Variants in NAPEPLD observed in about 807,000 individuals in gnomAD.
NAPEPLD encodes the protein N-acyl phosphatidylethanolamine phospholipase D, also known as N-acyl-phosphatidylethanolamine-hydrolyzing phospholipase D.
In NAPEPLD, 23 loss-of-function variants were observed where a neutral mutation model predicts 38.1. The observed-to-expected ratio is 0.60, with a 90% confidence interval of 0.43 to 0.86. The LOEUF (loss-of-function observed/expected upper bound fraction) is 0.86. NAPEPLD is among the 40% of genes least tolerant of loss of function. The probability of loss-of-function intolerance (pLI) is 0.00; values close to 1 mark genes in which losing one functional copy is unlikely to be tolerated. For synonymous variants in NAPEPLD, 147 were observed against 162.0 expected (o/e 0.91, Z 0.71); for missense variants, 411 against 476.8 (o/e 0.86, Z 1.28).
chr7:103,147,720 G>T (rs1252847568), intron 1 of NAPEPLD, among the ~76,000 whole-genome samples: 1 of 152,150 alleles, frequency 6.6e-6, no homozygotes, highest in African/African-American at 2.4e-5. Flanking sequence ...TTTAAAATTA[G>T]AATTTTGTAA....
intron 1 of NAPEPLD, chr7:103,141,699 G>A (rs1477238365): frequency 1.1e-5 from 10 of 903,490 alleles, no homozygotes; most frequent in East Asian, 2.4e-5. Flanking sequence ...GTACCCTTCC[G>A]CTTACCTATG....
rs530177156 is a variant in NAPEPLD at position 103,123,018 on chromosome 7, C to T, written c.295-2795G>A. On this transcript the variant is annotated intron_variant, in intron 2 of 4. Coordinates refer to ENST00000465647, the MANE Select transcript of NAPEPLD (RefSeq NM_001122838.3). ...CCAATTCTCTCGGGCGTTTCATGCT[C>T]CTCTTCCACATGTGCTGTGTCCCAC... Among the ~76,000 whole-genome samples, 20 of 152,348 alleles carry T rather than the reference C, an allele frequency of 1.3e-4. No individual in the cohort carries two copies. The South Asian group carries it at 2.5e-3, about 19-fold the overall frequency.
chr7:103,119,542 C>T (rs750461759), intron 3 of NAPEPLD, 35 bp downstream of exon 3: 18 of 1,563,414 alleles, frequency 1.2e-5, no homozygotes, highest in Non-Finnish European at 1.6e-5. Context: ...TAATTTATCA[C>T]ATAGCAGGAA....
intron 4 of NAPEPLD, 89 bp downstream of exon 4, chr7:103,114,971 G>T: frequency 3.3e-6 from 3 of 917,824 alleles, no homozygotes; most frequent in Non-Finnish European, 5.2e-6. Context: ...TGATTCCAGA[G>T]TCTTGGGTCT....
intron 1 of NAPEPLD, chr7:103,129,347 T>C (rs1306229938): frequency 2.0e-5 from 20 of 984,604 alleles, no homozygotes; most frequent in Non-Finnish European, 1.9e-5. Context: ...AAACAACATA[T>C]TTCCCCAGCC....
chr7:103,121,106 C>T (rs764465739), intron 2 of NAPEPLD, among the ~76,000 whole-genome samples: 9 of 152,138 alleles, frequency 5.9e-5, no homozygotes, highest in Non-Finnish European at 1.0e-4. Context: ...TCATTCCTTA[C>T]CTTTCTGATT....
At chr7:103,115,499 A>C (rs1173119631) in intron 3 of NAPEPLD, among the ~76,000 whole-genome samples, 1 of 152,238 alleles carries the variant, frequency 6.6e-6, no homozygotes, top group African/African-American at 2.4e-5. Context: ...TAAAATAAGT[A>C]AGTCTCAAGC....
intron 2 of NAPEPLD, chr7:103,127,618 C>T (rs144948243): frequency 6.6e-6 from 1 of 152,156 alleles, no homozygotes; most frequent in Non-Finnish European, 1.5e-5. Context: ...CAGACTACAG[C>T]CCACTGCTGA....
At chr7:103,108,868 T>C (rs941161513) in intron 4 of NAPEPLD, among the ~76,000 whole-genome samples, 11 of 152,050 alleles carry the variant, frequency 7.2e-5, no homozygotes, top group Non-Finnish European at 1.0e-4. Context: ...AAGACACACA[T>C]AGGCTCAAAA....
At chr7:103,115,233 A>C in intron 3 of NAPEPLD, 59 bp from the exon 4 acceptor site, 1 of 1,274,086 alleles carries the variant, frequency 7.8e-7, no homozygotes, top group Non-Finnish European at 1.1e-6. Flanking sequence ...AAATTCTAAA[A>C]TCTGTTTCAC....
intron 4 of NAPEPLD, among the ~76,000 whole-genome samples, chr7:103,113,487 C>T (rs1016704680): frequency 6.6e-6 from 1 of 151,838 alleles, no homozygotes; most frequent in Non-Finnish European, 1.5e-5. Flanking sequence ...GTAACTAAAA[C>T]TGCAAGAAAA....
At chr7:103,113,406 G>C (rs1804916075) in intron 4 of NAPEPLD, among the ~76,000 whole-genome samples, 1 of 152,120 alleles carries the variant, frequency 6.6e-6, no homozygotes, top group South Asian at 2.1e-4. Flanking sequence ...GGAATGGGCA[G>C]GCAGTGTATT....
chr7:103,120,524 C>T (rs1806433865), intron 2 of NAPEPLD, among the ~76,000 whole-genome samples: 1 of 151,940 alleles, frequency 6.6e-6, no homozygotes, highest in Non-Finnish European at 1.5e-5. Flanking sequence ...TCAGTACTGC[C>T]AGAAGTAGAC....
chr7:103,144,378 T>C (rs1812124627), intron 1 of NAPEPLD, among the ~76,000 whole-genome samples: 1 of 152,212 alleles, frequency 6.6e-6, no homozygotes, highest in Non-Finnish European at 1.5e-5. Flanking sequence ...ACTAGTTCTC[T>C]TATAAATATA....
Position 103,103,467 on chromosome 7 carries a change from C to T in NAPEPLD, c.1144G>A (p.Glu382Lys), listed in dbSNP as rs1375808796. The T allele has an allele frequency of 1.9e-6, 3 of 1,589,762 alleles. No homozygotes were observed. The highest frequency in any genetic ancestry group is 1.7e-6 in the Non-Finnish European group (2 of 1,173,346). Residue 382 changes from glutamate (E) to lysine (K), a missense_variant, in exon 5 of 5, where the codon GAA (glutamate) becomes AAA (lysine). By Grantham distance (56) the Glu-to-Lys change is moderately conservative. Coordinates refer to ENST00000465647, the MANE Select transcript of NAPEPLD (RefSeq NM_001122838.3). Reference sequence around the variant, plus strand: ...TCATCATTATTTAGGTATCTTGATTCTCCATGCTTCAAGACAAAAAAATCT... The same window carrying T: ...TCATCATTATTTAGGTATCTTGATTTTCCATGCTTCAAGACAAAAAAATCT... Reference protein sequence around the residue: ...AEDFFVLKHGESRYLNNDDEN... With the variant: ...AEDFFVLKHGKSRYLNNDDEN...
Position 103,103,430 on chromosome 7 carries a change from TAA to T in NAPEPLD, c.1179_1180del (p.Phe393LeufsTer16), listed in dbSNP as rs1463307834. The T allele has an allele frequency of 3.3e-5, 51 of 1,556,430 alleles. No homozygotes were observed. Among genetic ancestry groups the T allele is most frequent in the Non-Finnish European group, 4.3e-5 (50 of 1,161,476 alleles). Reference sequence around the variant, plus strand: ...TAAAAGTGCCTGTGCTCACATTTATTAAAAGTTTTCATCATCATTATTTAGGT... The same window carrying T: ...TAAAAGTGCCTGTGCTCACATTTATTAAGTTTTCATCATCATTATTTAGGT... On this transcript the variant is annotated frameshift_variant and stop_lost, in exon 5 of 5. Transcript: ENST00000465647. LOFTEE classifies it high-confidence loss of function.
chr7:103,125,091 T>C (rs1420447538), intron 2 of NAPEPLD, among the ~76,000 whole-genome samples: 2 of 152,246 alleles, frequency 1.3e-5, no homozygotes, highest in Admixed American at 6.5e-5. Context: ...GACACAGTAA[T>C]ACTTTTCTTC....
In NAPEPLD at chr7:103,119,738, C is replaced by T; in HGVS notation, c.780G>A (p.Met260Ile). 1 of 1,614,162 alleles carries T rather than the reference C, an allele frequency of 6.2e-7. No individual in the cohort carries two copies. The highest frequency in any genetic ancestry group is 1.1e-5 in the South Asian group (1 of 91,082). ...TGCCCCATAGCACCTTGTTGTCATC[C>T]ATTAGAGTCCTTTTACACCAGTGCT... ...PSQHWCKRTL[M>I]DDNKVLWGSW... The change falls in exon 3 of 5, where the codon ATG becomes ATA. Residue 260 changes from methionine (M) to isoleucine (I), a missense_variant. Coordinates refer to ENST00000465647, the MANE Select transcript of NAPEPLD (RefSeq NM_001122838.3).
In NAPEPLD at chr7:103,103,352, T is replaced by C. The variant is rs1313512009; in HGVS notation, c.*77A>G. 2 of 1,422,040 alleles carry C rather than the reference T, an allele frequency of 1.4e-6. No individual in the cohort carries two copies. Among genetic ancestry groups the C allele is most frequent in the Non-Finnish European group, 1.9e-6 (2 of 1,060,874 alleles). 88.1% of individuals were successfully genotyped at this position (1,422,040 alleles called of 1,614,324 possible). ...AAATGTAAAATAATCACAATATTCATGAATTTCTAAGTCTTTTCATTTGTT... is the reference window on the plus strand; with the variant it reads ...AAATGTAAAATAATCACAATATTCACGAATTTCTAAGTCTTTTCATTTGTT... On this transcript the variant is annotated 3_prime_UTR_variant, in exon 5 of 5. Coordinates refer to ENST00000465647, the MANE Select transcript of NAPEPLD (RefSeq NM_001122838.3).
Sources: gnomAD v4.1 joint callset for allele counts (sites outside exome capture counted in the v4.1 genomes callset) on GRCh38, gnomAD v4.1.1 for gene constraint, MANE v1.5 for transcripts, NCBI Gene and HGNC (gene_info 2026-07-23, HGNC 2026-07-21) for gene names.